SMTN: variants seen among roughly 807,000 people sequenced by gnomAD.
SMTN encodes smoothelin.
In SMTN, 58 loss-of-function variants were observed where a neutral mutation model predicts 102.0. That is an observed-to-expected ratio of 0.57 (90% CI 0.46 to 0.71). The LOEUF is 0.71. SMTN is among the 30% of genes least tolerant of loss of function. The probability of loss-of-function intolerance (pLI) is 0.00; values close to 1 mark genes in which losing one functional copy is unlikely to be tolerated. For missense variants in SMTN, 1,185 were observed against 1,241.7 expected (o/e 0.95, Z 0.69); for synonymous variants, 478 against 497.9 (o/e 0.96, Z 0.53).
In SMTN at chr22:31,089,556, G is replaced by A. The variant is rs367851909; in HGVS notation, c.472-143G>A. On this transcript the variant is annotated intron_variant, in intron 6 of 20. Coordinates refer to ENST00000333137, the MANE Select transcript of SMTN (RefSeq NM_134269.3). ...CCTTAGCATGCCAGTGCCAGTGCTTGCGCAGGTGTGCCTACAGGAAGCCAT... is the reference window on the plus strand; with the variant it reads ...CCTTAGCATGCCAGTGCCAGTGCTTACGCAGGTGTGCCTACAGGAAGCCAT... 4.9e-5 allele frequency: 35 copies of A among 713,780 alleles called. No individual in the cohort carries two copies. The African/African-American group carries it at 5.4e-4, about 11-fold the overall frequency. The allele number at this position is 713,780 out of a possible 1,614,324, so 44.2% of individuals were successfully genotyped here.
rs771519712 is a variant in SMTN, at chr22:31,083,283, C to A, written c.25C>A (p.Leu9Met). The change falls in exon 2 of 21, where the codon CTG becomes ATG. Residue 9 changes from leucine (L) to methionine (M), a missense_variant. Physicochemically the swap from Leu to Met is conservative, Grantham distance 15. This residue lies in a region of SMTN where 1,096 missense variants were observed against 1,112.7 expected (regional missense o/e 0.98). Transcript: ENST00000333137. MADEALAGLDEGALRKLLE... is the reference protein window; with the variant it reads MADEALAGMDEGALRKLLE... ...GATGGCGGACGAGGCCTTAGCTGGG[C>A]TGGATGAGGGAGCCCTTCGGAAGCT... The A allele has an allele frequency of 9.4e-6, 15 of 1,589,086 alleles. No individual in the cohort carries two copies. In the South Asian group the frequency reaches 1.7e-4, roughly 18 times the overall value.
Position 31,095,316 on chromosome 22 carries a change from C to A in SMTN, c.1646C>A (p.Pro549Gln). The change falls in exon 12 of 21, where the codon CCA becomes CAA. Residue 549 changes from proline (P) to glutamine (Q), a missense_variant. By Grantham distance (76) the Pro-to-Gln change is moderately conservative. Coordinates refer to ENST00000333137, the MANE Select transcript of SMTN (RefSeq NM_134269.3). The surrounding 1 kb of genome is among the most constrained non-coding windows in gnomAD (Gnocchi z 4.1). ...GGCSIKMEAEPAEPLAAAVEA... is the reference protein window; with the variant it reads ...GGCSIKMEAEQAEPLAAAVEA... ...CCCACCCTGCAGATGGAAGCAGAGCCAGCAGAGCCTCTCGCTGCAGCAGTG... is the reference window on the plus strand; with the variant it reads ...CCCACCCTGCAGATGGAAGCAGAGCAAGCAGAGCCTCTCGCTGCAGCAGTG... 6.2e-7 allele frequency: 1 copy of A among 1,613,876 alleles called. No individual in the cohort carries two copies. The highest frequency in any genetic ancestry group is 8.5e-7 in the Non-Finnish European group (1 of 1,180,016).
In SMTN at chr22:31,096,592, G is replaced by A. The variant is rs1303140350; in HGVS notation, c.1862-141G>A. The A allele has an allele frequency of 6.0e-6, 5 of 829,534 alleles. No individual in the cohort carries two copies. The East Asian group carries it at 1.4e-4, about 24-fold the overall frequency. The allele number at this position is 829,534 out of a possible 1,614,324, so 51.4% of individuals were successfully genotyped here. On this transcript the variant is annotated intron_variant, in intron 13 of 20. Coordinates refer to ENST00000333137, the MANE Select transcript of SMTN (RefSeq NM_134269.3). Reference sequence around the variant, plus strand: ...TGTCCCCTCACCCCAGCTGCTCCTAGAGAGGCCCTTGTTACCTGTGTCATT... The same window carrying A: ...TGTCCCCTCACCCCAGCTGCTCCTAAAGAGGCCCTTGTTACCTGTGTCATT...
intron 11 of SMTN, chr22:31,093,622 C>T (rs566562828): frequency 3.5e-5 from 27 of 765,348 alleles, no homozygotes; most frequent in South Asian, 3.1e-4. Flanking sequence ...TGAAGAGCTG[C>T]GGGCAGAGAG....
intron 2 of SMTN, chr22:31,085,070 G>C (rs1479269449): frequency 6.5e-6 from 10 of 1,533,150 alleles, no homozygotes; most frequent in Non-Finnish European, 8.7e-6. Flanking sequence ...GATTGGGCCG[G>C]GGATGGGAGG....
At chr22:31,078,155 T>C (rs1199404713), upstream of SMTN, among the ~76,000 whole-genome samples, 1 of 152,214 alleles carries the variant, frequency 6.6e-6, no homozygotes. Flanking sequence ...TATGAGCAAG[T>C]TGAAGCTCCA....
At chr22:31,068,711 G>A (rs963741555) in intron 1 of SMTN, among the ~76,000 whole-genome samples, 8 of 152,180 alleles carry the variant, frequency 5.3e-5, no homozygotes, top group Non-Finnish European at 1.2e-4. Flanking sequence ...GGACCGTGTT[G>A]AGCGAGACAA....
intron 1 of SMTN, among the ~76,000 whole-genome samples, chr22:31,073,826 C>T (rs897041665): frequency 1.3e-5 from 2 of 152,184 alleles, no homozygotes; most frequent in Non-Finnish European, 2.9e-5. Context: ...TTAGCCTGGG[C>T]TCAGCTAAAG....
chr22:31,070,963 TGAGTGCAGTG>T (rs2041984828), intron 1 of SMTN, among the ~76,000 whole-genome samples: 1 of 150,294 alleles, frequency 6.7e-6, no homozygotes, highest in Non-Finnish European at 1.5e-5. Flanking sequence ...GATTTAAGCC[TGAGTGCAGTG>T]GCTCACTCCT....
Position 31,082,964 on chromosome 22 carries a change from T to C in SMTN, c.-80-215T>C, listed in dbSNP as rs1289532653. The C allele has an allele frequency of 3.4e-6, 5 of 1,481,554 alleles. No individual in the cohort carries two copies. The Admixed American group carries it at 9.8e-5, about 29-fold the overall frequency. The allele number at this position is 1,481,554 out of a possible 1,614,324, so 91.8% of individuals were successfully genotyped here. A position where few individuals can be genotyped will look rare whatever the true frequency, so the allele number is the denominator to read the frequency against. On this transcript the variant is annotated intron_variant, in intron 1 of 20. Coordinates refer to ENST00000333137, the MANE Select transcript of SMTN (RefSeq NM_134269.3). ...CCACACAGCAGACTGGCGGCCAAGC[T>C]GGCAGGGCTGGAACCAGAGACCCCC...
Position 31,091,705 on chromosome 22 carries a change from C to A in SMTN, c.1490C>A (p.Thr497Asn), listed in dbSNP as rs761653629. 1.2e-6 allele frequency: 2 copies of A among 1,609,376 alleles called. No individual in the cohort carries two copies. Among genetic ancestry groups the A allele is most frequent in the East Asian group, 2.2e-5 (1 of 44,790 alleles). The change falls in exon 11 of 21, where the codon ACC becomes AAC. Residue 497 changes from threonine to asparagine, a missense_variant. Thr to Asn is a moderately conservative substitution (Grantham distance 65). Coordinates refer to ENST00000333137, the MANE Select transcript of SMTN (RefSeq NM_134269.3). ...ACACTGGGGCTGCGGGCGCCCCCGA[C>A]CCTACTCAGCACCAGTAGTGGGGGC... ...ELTLGLRAPP[T>N]LLSTSSGGKS...
intron 11 of SMTN, among the ~76,000 whole-genome samples, chr22:31,094,663 T>TA (rs1211822087): frequency 1.3e-5 from 1 of 79,298 alleles, no homozygotes; most frequent in Non-Finnish European, 2.5e-5. Flanking sequence ...TTTCCCCTTC[T>TA]GTTTTTTTTT....
chr22:31,078,033 G>A (rs62236123), upstream of SMTN, among the ~76,000 whole-genome samples: 5 of 152,322 alleles, frequency 3.3e-5, no homozygotes, highest in South Asian at 2.1e-4. Flanking sequence ...CAACAAGGTC[G>A]TCACAATCCT....
intron 1 of SMTN, among the ~76,000 whole-genome samples, chr22:31,073,241 A>C (rs1182750848): frequency 7.1e-6 from 1 of 139,980 alleles, no homozygotes; most frequent in Non-Finnish European, 1.5e-5. Flanking sequence ...ACATACAGAC[A>C]CAGACACACA....
chr22:31,096,562 A>G (rs1900590382), intron 13 of SMTN, 171 bp from the exon 14 acceptor site: 3 of 580,588 alleles, frequency 5.2e-6, no homozygotes, highest in Non-Finnish European at 8.5e-6. Flanking sequence ...CTGTCAAGTT[A>G]TGGCTGTCCC....
At chr22:31,068,517 T>C (rs2041919972) in intron 1 of SMTN, among the ~76,000 whole-genome samples, 1 of 152,054 alleles carries the variant, frequency 6.6e-6, no homozygotes, top group African/African-American at 2.4e-5. Context: ...ACCAATTAGG[T>C]AGTTATTAAT....
intron 1 of SMTN, among the ~76,000 whole-genome samples, chr22:31,069,325 T>C (rs1272575131): frequency 7.9e-5 from 12 of 152,130 alleles, no homozygotes; most frequent in Admixed American, 2.0e-4. Context: ...CGCTGGGGAC[T>C]AGAGCGACCG....
Position 31,091,354 on chromosome 22 carries a change from T to A in SMTN, c.1331T>A (p.Leu444Gln), listed in dbSNP as rs1353640673. ...VARSEEPGAPLPVAVGTAEPG... is the reference protein window; with the variant it reads ...VARSEEPGAPQPVAVGTAEPG... Reference sequence around the variant, plus strand: ...CGTTCAGAGGAGCCTGGTGCCCCGCTGCCCGTGGCCGTCGGCACTGCCGAG... The same window carrying A: ...CGTTCAGAGGAGCCTGGTGCCCCGCAGCCCGTGGCCGTCGGCACTGCCGAG... The change falls in exon 10 of 21, where the codon CTG becomes CAG. Residue 444 changes from leucine (L) to glutamine (Q), a missense_variant. Transcript: ENST00000333137. 1 of 1,606,294 alleles carries A rather than the reference T, an allele frequency of 6.2e-7. No individual in the cohort carries two copies. The highest frequency in any genetic ancestry group is 1.1e-5 in the South Asian group (1 of 90,680).
At chr22:31,088,238 C>T in intron 3 of SMTN, 125 bp downstream of exon 3, 3 of 1,123,836 alleles carry the variant, frequency 2.7e-6, no homozygotes, top group South Asian at 3.2e-5. Context: ...GCAGTACGTC[C>T]ACACACGCTT....
Sources: gnomAD v4.1 joint callset for allele counts (sites outside exome capture counted in the v4.1 genomes callset) on GRCh38, gnomAD v4.1.1 for gene constraint, gnomAD v4.1.1 regional missense constraint, Gnocchi (gnomAD v3.1) non-coding constraint, MANE v1.5 for transcripts, NCBI Gene and HGNC (gene_info 2026-07-23, HGNC 2026-07-21) for gene names.